The following DIS3L2 variants were observed in gnomAD, a reference collection of about 807,000 sequenced individuals.
DIS3L2 encodes the protein DIS3 like 3'-5' exoribonuclease 2.
In DIS3L2, 34 loss-of-function variants were observed where a neutral mutation model predicts 97.5. The ratio of observed to expected loss-of-function variants is 0.35; its 90% CI spans 0.27 to 0.46. DIS3L2 has a LOEUF of 0.46. Among genes scored for constraint, DIS3L2 ranks in the 20% least tolerant of loss-of-function variants. The pLI is 1.00. For synonymous variants in DIS3L2, 435 were observed against 445.2 expected (o/e 0.98, Z 0.29); for missense variants, 1,038 against 1,146.0 (o/e 0.91, Z 1.36).
Position 232,131,040 on chromosome 2 carries a change from C to G in DIS3L2, c.702+321C>G. ...AGTTTTGGTGGAGTGAGAATTTAGA[C>G]AGTGGAGAAGCAGTATGAATATAGA... On this transcript the variant is annotated intron_variant, in intron 7 of 20. Coordinates refer to ENST00000325385, the MANE Select transcript of DIS3L2 (RefSeq NM_152383.5). The G allele has an allele frequency of 1.1e-5, 3 of 270,578 alleles. No individual in the cohort carries two copies. In the South Asian group the frequency reaches 3.6e-4, roughly 32 times the overall value. The allele number at this position is 270,578 out of a possible 1,614,324, so 16.8% of individuals were successfully genotyped here. A position where few individuals can be genotyped will look rare whatever the true frequency, so the allele number is the denominator to read the frequency against.
intron 16 of DIS3L2, 63 bp from the exon 17 acceptor site, chr2:232,333,775 CCA>C: frequency 2.1e-6 from 3 of 1,458,138 alleles, no homozygotes; most frequent in Non-Finnish European, 2.7e-6. Context: ...GTGGGTGGTG[CCA>C]GCCTTCCAGG....
At chr2:232,041,959 T>C (rs1695120675) in intron 5 of DIS3L2, among the ~76,000 whole-genome samples, 1 of 152,174 alleles carries the variant, frequency 6.6e-6, no homozygotes, top group South Asian at 2.1e-4. Flanking sequence ...AGTCTAAATT[T>C]CTCTCAAGAC....
chr2:232,078,824 A>G (rs1022190689), intron 5 of DIS3L2, among the ~76,000 whole-genome samples: 1 of 152,198 alleles, frequency 6.6e-6, no homozygotes, highest in Non-Finnish European at 1.5e-5. Context: ...GGTATAGATA[A>G]ATTGCTTTGG....
chr2:232,104,034 T>G (rs1697286246), intron 6 of DIS3L2, among the ~76,000 whole-genome samples: 1 of 152,030 alleles, frequency 6.6e-6, no homozygotes, highest in Non-Finnish European at 1.5e-5. Context: ...AGTGACTTAA[T>G]CTGTTTAATT....
At position 232,242,945 on chromosome 2, in the gene DIS3L2, T is replaced by C. The variant is rs142908344; in HGVS notation, c.1317+4300T>C. Among the ~76,000 whole-genome samples, 339 of 152,278 alleles carry C rather than the reference T, an allele frequency of 2.2e-3. 1 individual carries two copies. The highest frequency in any genetic ancestry group is 7.2e-3 in the African/African-American group (299 of 41,552). ...TTTATTGAGTACCAGCTGTGTGTCA[T>C]GTTCGAGGGATGTAAAGATGAGACA... On this transcript the variant is annotated intron_variant, in intron 11 of 20. Transcript: ENST00000325385.
At chr2:232,266,542 G>T (rs79901447) in intron 13 of DIS3L2, among the ~76,000 whole-genome samples, 1,945 of 152,222 alleles carry the variant, frequency 0.013, 49 homozygotes, top group African/African-American at 0.045. Flanking sequence ...TGGTTCCCCC[G>T]AAAACAAGTC....
intron 5 of DIS3L2, among the ~76,000 whole-genome samples, chr2:232,074,022 T>C (rs927221070): frequency 1.3e-5 from 2 of 152,240 alleles, no homozygotes; most frequent in Admixed American, 1.3e-4. Flanking sequence ...TTTGTGACTT[T>C]TCTTGCTAAG....
intron 14 of DIS3L2, among the ~76,000 whole-genome samples, chr2:232,314,823 T>C (rs980684625): frequency 2.0e-5 from 3 of 152,210 alleles, no homozygotes; most frequent in Non-Finnish European, 4.4e-5. Context: ...TTTGATTTTC[T>C]TTCCCAGTTA....
At position 231,983,712 on chromosome 2, in the gene DIS3L2, A is replaced by G. The variant is rs143774253; in HGVS notation, c.-94+21947A>G. Among the ~76,000 whole-genome samples, 536 of 152,172 alleles carry G rather than the reference A, an allele frequency of 3.5e-3. 3 individuals carry two copies. The highest frequency in any genetic ancestry group is 0.012 in the African/African-American group (492 of 41,506). The stretch of plus-strand genomic sequence containing the variant: ...AAGACCATCCTGCCTAACACGTTGA[A>G]ACACGTCTCTGCTAAAAATACAAAA... On this transcript the variant is annotated intron_variant, in intron 1 of 20. Coordinates refer to ENST00000325385, the MANE Select transcript of DIS3L2 (RefSeq NM_152383.5).
At chr2:232,034,822 G>T (rs2106245212) in intron 5 of DIS3L2, among the ~76,000 whole-genome samples, 1 of 152,298 alleles carries the variant, frequency 6.6e-6, no homozygotes, top group South Asian at 2.1e-4. Context: ...TTGTACTGTG[G>T]TCTGAGAGAC....
chr2:232,141,065 G>A (rs3103257), intron 8 of DIS3L2, among the ~76,000 whole-genome samples: 114,886 of 152,102 alleles, frequency 0.76, 43,745 homozygotes, highest in African/African-American at 0.81. Context: ...TCGCTGGAAT[G>A]ATCTGCAATT....
intron 10 of DIS3L2, among the ~76,000 whole-genome samples, chr2:232,216,163 C>G (rs1441058653): frequency 1.3e-5 from 2 of 152,098 alleles, no homozygotes; most frequent in Non-Finnish European, 2.9e-5. Flanking sequence ...TGCTTTCTCA[C>G]TTCCCGTGTA....
chr2:232,030,990 T>C (rs1320854259), intron 5 of DIS3L2, among the ~76,000 whole-genome samples: 1 of 152,202 alleles, frequency 6.6e-6, no homozygotes, highest in Non-Finnish European at 1.5e-5. Context: ...TATGGGCTTT[T>C]AGGCTAGGCT....
chr2:232,211,672 T>C (rs1692194015), intron 10 of DIS3L2, among the ~76,000 whole-genome samples: 1 of 152,172 alleles, frequency 6.6e-6, no homozygotes. Flanking sequence ...TTTAAAACAT[T>C]GCAAAGATGT....
intron 13 of DIS3L2, among the ~76,000 whole-genome samples, chr2:232,266,151 C>G (rs895970913): frequency 3.3e-5 from 5 of 152,210 alleles, no homozygotes; most frequent in African/African-American, 1.2e-4. Flanking sequence ...CTGTAGAAGA[C>G]TGTCAGGTGA....
intron 12 of DIS3L2, among the ~76,000 whole-genome samples, chr2:232,255,411 A>G (rs1693533333): frequency 6.6e-6 from 1 of 152,182 alleles, no homozygotes; most frequent in South Asian, 2.1e-4. Flanking sequence ...TCCTTAGTCT[A>G]TTGGAATGGC....
rs928414701 is a variant in DIS3L2 at position 232,037,200 on chromosome 2, T to G, written c.366+7120T>G. 2.0e-5 allele frequency among the ~76,000 whole-genome samples: 3 copies of G among 152,198 alleles called. No homozygotes were observed. The highest frequency in any genetic ancestry group is 2.9e-5 in the Non-Finnish European group (2 of 68,024). On this transcript the variant is annotated intron_variant, in intron 5 of 20. Coordinates refer to ENST00000325385, the MANE Select transcript of DIS3L2 (RefSeq NM_152383.5). This position sits in a 1 kb window ranked among gnomAD's most constrained non-coding sequence, Gnocchi z 4.6. ...GGAGTTTTACCTATAAGCCCCTGAC[T>G]GGGGCTGCTGCCTTTCTTTCAGAGA...
chr2:232,332,513 A>G (rs1695768709), intron 16 of DIS3L2, among the ~76,000 whole-genome samples: 1 of 151,386 alleles, frequency 6.6e-6, no homozygotes, highest in Admixed American at 6.6e-5. Flanking sequence ...GCTCCCAGGC[A>G]GTAGCACTGG....
intron 6 of DIS3L2, among the ~76,000 whole-genome samples, chr2:232,115,453 G>A (rs1252866048): frequency 6.6e-6 from 1 of 152,158 alleles, no homozygotes; most frequent in Non-Finnish European, 1.5e-5. Flanking sequence ...GTATACTCAG[G>A]AACCTGAGAA....
Sources: gnomAD v4.1 joint callset for allele counts (sites outside exome capture counted in the v4.1 genomes callset) on GRCh38, gnomAD v4.1.1 for gene constraint, Gnocchi (gnomAD v3.1) non-coding constraint, MANE v1.5 for transcripts, NCBI Gene and HGNC (gene_info 2026-07-23, HGNC 2026-07-21) for gene names.